Variants in SIPA1 observed in about 807,000 individuals in gnomAD.
The protein encoded by SIPA1 is signal-induced proliferation-associated 1.
In SIPA1, 51 loss-of-function variants were observed where a neutral mutation model predicts 88.1. The ratio of observed to expected loss-of-function variants is 0.58; its 90% CI spans 0.46 to 0.73. SIPA1 has a LOEUF of 0.73. Ranked by LOEUF, SIPA1 falls within the 30% of genes least tolerant of loss-of-function variation. SIPA1 has a pLI of 0.00. For missense variants in SIPA1, 1,348 were observed against 1,467.6 expected, an observed-to-expected ratio of 0.92 and a Z score of 1.33; for synonymous variants, 681 against 664.8, an observed-to-expected ratio of 1.02 and a Z score of -0.37.
chr11:65,650,416 C>T lies in SIPA1; in HGVS notation c.2919C>T (p.Asn973=), dbSNP rs747385719. 4 of 1,614,034 alleles carry T rather than the reference C, an allele frequency of 2.5e-6. No homozygotes were observed. The highest frequency in any genetic ancestry group is 3.4e-6 in the Non-Finnish European group (4 of 1,180,002). Residue 973 remains asparagine, a synonymous_variant, in exon 15 of 16, where the codon AAC becomes AAT. Coordinates refer to ENST00000534313, the MANE Select transcript of SIPA1 (RefSeq NM_006747.4). ...ATGTCTTCAGGCCAGAGCCTGGGAA[C>T]CTCTCAGAGAAGGTCTCTCACTTGG... The part of the protein sequence containing the change: ...PKSDAEPEPG[N]LSEKVSHLES...
Position 65,647,530 on chromosome 11 carries a change from G to C in SIPA1, c.2178G>C (p.Ala726=). ...FAETAGLRPG[A]RLLRVCGQTL... ...AGACGGCGGGGCTGCGGCCCGGGGCGCGCCTCCTGCGCGTGTGCGGCCAGA... is the reference window on the plus strand; with the variant it reads ...AGACGGCGGGGCTGCGGCCCGGGGCCCGCCTCCTGCGCGTGTGCGGCCAGA... The change falls in exon 9 of 16, where the codon GCG becomes GCC. Residue 726 remains alanine (A), a synonymous_variant. Transcript: ENST00000534313. 2 of 1,348,518 alleles carry C rather than the reference G, an allele frequency of 1.5e-6. No individual in the cohort carries two copies. The highest frequency in any genetic ancestry group is 1.9e-6 in the Non-Finnish European group (2 of 1,052,634). 83.5% of individuals were successfully genotyped at this position (1,348,518 alleles called of 1,614,324 possible).
Position 65,646,474 on chromosome 11 carries a change from C to T in SIPA1, c.1440C>T (p.Thr480=). The T allele has an allele frequency of 6.3e-7, 1 of 1,583,662 alleles. No homozygotes were observed. The highest frequency in any genetic ancestry group is 8.5e-7 in the Non-Finnish European group (1 of 1,170,498). The change falls in exon 8 of 16, where the codon ACC becomes ACT. Residue 480 remains threonine (T), a synonymous_variant. Transcript: ENST00000534313. This position sits in a 1 kb window ranked among gnomAD's most constrained non-coding sequence, Gnocchi z 7.5. ...HTTYRVAVSR[T]QDTPAFGPAL... The stretch of plus-strand genomic sequence containing the variant: ...CCCGCAGGGTGGCCGTGAGCCGCAC[C>T]CAGGACACCCCTGCCTTCGGGCCAG...
chr11:65,644,874 A>G, intron 4 of SIPA1, 81 bp from the exon 5 acceptor site: 1 of 1,426,686 alleles, frequency 7.0e-7, no homozygotes, highest in Non-Finnish European at 9.6e-7. Context: ...GCCCCAGGCC[A>G]GCGTCCCATC....
chr11:65,650,250 C>T (rs372360064), intron 14 of SIPA1, 58 bp downstream of exon 14: 12 of 1,584,470 alleles, frequency 7.6e-6, no homozygotes, highest in African/African-American at 6.7e-5. Context: ...CCCCTTCGTG[C>T]CTGTCTGCTG....
At position 65,645,928 on chromosome 11, in the gene SIPA1, C is replaced by T. The variant is rs1856102552; in HGVS notation, c.1234C>T (p.Leu412=). Reference sequence around the variant, plus strand: ...GATCATGTTCCACGTGTCCACGATGCTGCCTTACACCCCTAATAACCAGCA... The same window carrying T: ...GATCATGTTCCACGTGTCCACGATGTTGCCTTACACCCCTAATAACCAGCA... The part of the protein sequence containing the change: ...HEIMFHVSTM[L]PYTPNNQQQL... The change falls in exon 6 of 16, where the codon CTG becomes TTG. Residue 412 remains leucine, a synonymous_variant. Transcript: ENST00000534313. 1 of 1,613,272 alleles carries T rather than the reference C, an allele frequency of 6.2e-7. No individual in the cohort carries two copies. The highest frequency in any genetic ancestry group is 1.3e-5 in the African/African-American group (1 of 75,006).
chr11:65,650,304 A>C lies in SIPA1; in HGVS notation c.2904-97A>C, dbSNP rs536398510. 7.8e-6 allele frequency: 12 copies of C among 1,541,076 alleles called. No homozygotes were observed. In the East Asian group the frequency reaches 1.6e-4, roughly 20 times the overall value. On this transcript the variant is annotated intron_variant, in intron 14 of 15. Transcript: ENST00000534313. The stretch of plus-strand genomic sequence containing the variant: ...GGCTCTGCTGCCACATATGCCTAGA[A>C]GACCAGCGGGGCCCCTCTCATTAGC...
rs1390099816 is a variant in SIPA1 at position 65,647,029 on chromosome 11, C to T, written c.1995C>T (p.Pro665=). The T allele has an allele frequency of 1.3e-6, 2 of 1,542,590 alleles. No homozygotes were observed. The highest frequency in any genetic ancestry group is 2.4e-5 in the East Asian group (1 of 41,596). The change falls in exon 8 of 16, where the codon CCC becomes CCT. Residue 665 remains proline (P), a synonymous_variant. Coordinates refer to ENST00000534313, the MANE Select transcript of SIPA1 (RefSeq NM_006747.4). ...TCACGCTGCGCTTCGACGGGTCCCC[C>T]GGCCAAGCCGTGGGCGAGGTGGTGG... The part of the protein sequence containing the change: ...EAITLRFDGS[P]GQAVGEVVAR...
In SIPA1 at chr11:65,647,402, G is replaced by A; in HGVS notation, c.2050G>A (p.Glu684Lys). 6.9e-7 allele frequency: 1 copy of A among 1,459,684 alleles called. No homozygotes were observed. The allele number at this position is 1,459,684 out of a possible 1,614,324, so 90.4% of individuals were successfully genotyped here. The change falls in exon 9 of 16, where the codon GAG becomes AAG. Residue 684 changes from glutamate (E) to lysine (K), a missense_variant. Physicochemically the swap from Glu to Lys is moderately conservative, Grantham distance 56. This residue lies in a region of SIPA1 where 615 missense variants were observed against 559.8 expected (regional missense o/e 1.10). Transcript: ENST00000534313. ...ARLQLVSRGCETRELALPRDG... is the reference protein window; with the variant it reads ...ARLQLVSRGCKTRELALPRDG... ...TCCGCAGCTGGTGAGCCGTGGCTGC[G>A]AGACCCGCGAGCTGGCGCTGCCCCG...
intron 8 of SIPA1, 51 bp downstream of exon 8, chr11:65,647,116 G>C: frequency 5.6e-6 from 8 of 1,436,782 alleles, no homozygotes; most frequent in Non-Finnish European, 7.3e-6. Flanking sequence ...GGCGGAGCCT[G>C]CTTTGGACCC....
rs1487894784 is a variant in SIPA1, at chr11:65,646,739, C to T, written c.1705C>T (p.Arg569Trp). The T allele has an allele frequency of 2.4e-5, 36 of 1,522,704 alleles. No individual in the cohort carries two copies. The highest frequency in any genetic ancestry group is 2.7e-5 in the Non-Finnish European group (31 of 1,139,344). 94.3% of individuals were successfully genotyped at this position (1,522,704 alleles called of 1,614,324 possible). The change falls in exon 8 of 16, where the codon CGG (arginine) becomes TGG (tryptophan). Residue 569 changes from arginine to tryptophan, a missense_variant. Physicochemically the swap from Arg to Trp is moderately radical, Grantham distance 101. This residue lies in a region of SIPA1 where 68 missense variants were observed against 59.0 expected (regional missense o/e 1.15). Coordinates refer to ENST00000534313, the MANE Select transcript of SIPA1 (RefSeq NM_006747.4). This position sits in a 1 kb window ranked among gnomAD's most constrained non-coding sequence, Gnocchi z 7.5. ...SLGGRRRAAPRGPGAELQAAG... is the reference protein window; with the variant it reads ...SLGGRRRAAPWGPGAELQAAG... Reference sequence around the variant, plus strand: ...GGGTGGGAGGCGCCGGGCGGCCCCTCGGGGCCCAGGCGCCGAGCTGCAGGC... The same window carrying T: ...GGGTGGGAGGCGCCGGGCGGCCCCTTGGGGCCCAGGCGCCGAGCTGCAGGC...
chr11:65,646,666 G>T lies in SIPA1; in HGVS notation c.1632G>T (p.Val544=). Residue 544 remains valine (V), a synonymous_variant, in exon 8 of 16, where the codon GTG becomes GTT. Transcript: ENST00000534313. This position sits in a 1 kb window ranked among gnomAD's most constrained non-coding sequence, Gnocchi z 7.5. ...TGCAAGACCTGGCCACCAACGAGGT[G>T]ACCACTACGTCGCTGGACTCGGCTT... ...QYLQDLATNE[V]TTTSLDSASR... is the part of the protein sequence containing the mutation. 1 of 1,546,482 alleles carries T rather than the reference G, an allele frequency of 6.5e-7. No individual in the cohort carries two copies.
rs1043393334 is a variant in SIPA1, at chr11:65,646,234, G to A, written c.1277G>A (p.Arg426His). The change falls in exon 7 of 16, where the codon CGC becomes CAC. Residue 426 changes from arginine (R) to histidine (H), a missense_variant. Arg to His is a conservative substitution (Grantham distance 29). Coordinates refer to ENST00000534313, the MANE Select transcript of SIPA1 (RefSeq NM_006747.4). This position sits in a 1 kb window ranked among gnomAD's most constrained non-coding sequence, Gnocchi z 7.5. ...PNNQQQLLRK[R>H]HIGNDIVTIV... is the part of the protein sequence containing the mutation. ...TCCAACCCCTAGCTCCTCCGGAAGC[G>A]CCACATTGGCAACGACATTGTGACC... 7 of 1,613,848 alleles carry A rather than the reference G, an allele frequency of 4.3e-6. No individual in the cohort carries two copies. Among genetic ancestry groups the A allele is most frequent in the Non-Finnish European group, 5.9e-6 (7 of 1,179,984 alleles).
Position 65,647,603 on chromosome 11 carries a change from G to C in SIPA1, c.2251G>C (p.Ala751Pro). 7.1e-7 allele frequency: 1 copy of C among 1,402,478 alleles called. No homozygotes were observed. Among genetic ancestry groups the C allele is most frequent in the Non-Finnish European group, 9.2e-7 (1 of 1,082,064 alleles). 86.9% of individuals were successfully genotyped at this position (1,402,478 alleles called of 1,614,324 possible). ...PEAAAQLLRS[A>P]PKVCVTVLPP... Reference sequence around the variant, plus strand: ...GGCCGCTGCCCAGCTCCTGCGCTCGGCGCCCAAGGTCTGCGTCACCGTCCT... The same window carrying C: ...GGCCGCTGCCCAGCTCCTGCGCTCGCCGCCCAAGGTCTGCGTCACCGTCCT... Residue 751 changes from alanine to proline, a missense_variant, in exon 9 of 16, where the codon GCG (alanine) becomes CCG (proline). Coordinates refer to ENST00000534313, the MANE Select transcript of SIPA1 (RefSeq NM_006747.4).
At chr11:65,647,091 C>A in intron 8 of SIPA1, 26 bp downstream of exon 8, 2 of 1,482,978 alleles carry the variant, frequency 1.3e-6, no homozygotes, top group South Asian at 1.3e-5. Context: ...AAACTGGGGC[C>A]CCTGCGCGCG....
chr11:65,646,997 G>T lies in SIPA1; in HGVS notation c.1963G>T (p.Glu655Ter). The T allele has an allele frequency of 6.5e-7, 1 of 1,540,634 alleles. No individual in the cohort carries two copies. The highest frequency in any genetic ancestry group is 8.7e-7 in the Non-Finnish European group (1 of 1,148,894). The change falls in exon 8 of 16, where the codon GAG (glutamate) becomes TAG (stop). Residue 655 changes from glutamate (E) to a stop codon, truncating the protein, a stop_gained. Coordinates refer to ENST00000534313, the MANE Select transcript of SIPA1 (RefSeq NM_006747.4). LOFTEE classifies it high-confidence loss of function. The surrounding 1 kb of genome is among the most constrained non-coding windows in gnomAD (Gnocchi z 7.5). ...QQLDLYHGRG[E>*]AITLRFDGSP... ...GCTGGACCTGTACCACGGCCGCGGG[G>T]AGGCGATCACGCTGCGCTTCGACGG...
Position 65,646,290 on chromosome 11 carries a change from T to G in SIPA1, c.1333T>G (p.Phe445Val). 6.2e-7 allele frequency: 1 copy of G among 1,614,122 alleles called. No homozygotes were observed. Among genetic ancestry groups the G allele is most frequent in the Admixed American group, 1.7e-5 (1 of 60,024 alleles). The change falls in exon 7 of 16, where the codon TTC becomes GTC. Residue 445 changes from phenylalanine (F) to valine (V), a missense_variant. Phe to Val is a conservative substitution (Grantham distance 50, BLOSUM62 -1). This residue lies in a region of SIPA1 where 641 missense variants were observed against 797.7 expected (regional missense o/e 0.80). Transcript: ENST00000534313. This position sits in a 1 kb window ranked among gnomAD's most constrained non-coding sequence, Gnocchi z 7.5. Reference sequence around the variant, plus strand: ...GTTCCAGGAGCCTGGCAGCAAGCCCTTCTGCCCCACCACCATCCGCTCGCA... The same window carrying G: ...GTTCCAGGAGCCTGGCAGCAAGCCCGTCTGCCCCACCACCATCCGCTCGCA... ...IVFQEPGSKP[F>V]CPTTIRSHFQ...
In SIPA1 at chr11:65,646,280, C is replaced by T. The variant is rs751588303; in HGVS notation, c.1323C>T (p.Gly441=). ...DIVTIVFQEP[G]SKPFCPTTIR... ...TGACCATCGTGTTCCAGGAGCCTGGCAGCAAGCCCTTCTGCCCCACCACCA... is the reference window on the plus strand; with the variant it reads ...TGACCATCGTGTTCCAGGAGCCTGGTAGCAAGCCCTTCTGCCCCACCACCA... The change falls in exon 7 of 16, where the codon GGC becomes GGT. Residue 441 remains glycine, a synonymous_variant. Coordinates refer to ENST00000534313, the MANE Select transcript of SIPA1 (RefSeq NM_006747.4). The surrounding 1 kb of genome is among the most constrained non-coding windows in gnomAD (Gnocchi z 7.5). 2 of 1,614,158 alleles carry T rather than the reference C, an allele frequency of 1.2e-6. No individual in the cohort carries two copies. The highest frequency in any genetic ancestry group is 1.7e-6 in the Non-Finnish European group (2 of 1,180,000).
In SIPA1 at chr11:65,649,802, G is replaced by C. The variant is rs749873350; in HGVS notation, c.2683G>C (p.Ala895Pro). The stretch of plus-strand genomic sequence containing the variant: ...TGGCTCTGAGGACAAGGGCAACCCG[G>C]CGCCGGAGCTGAGGGCCTCCTTTCT... ...PSGSEDKGNP[A>P]PELRASFLPR... Residue 895 changes from alanine to proline, a missense_variant, in exon 12 of 16, where the codon GCG (alanine) becomes CCG (proline). Around this residue, in one of 4 missense-constraint regions of SIPA1, gnomAD observed 615 missense variants for 559.8 expected, o/e 1.10. Coordinates refer to ENST00000534313, the MANE Select transcript of SIPA1 (RefSeq NM_006747.4). 6.2e-7 allele frequency: 1 copy of C among 1,614,068 alleles called. No individual in the cohort carries two copies. Among genetic ancestry groups the C allele is most frequent in the South Asian group, 1.1e-5 (1 of 91,090 alleles).
At chr11:65,644,776 C>T (rs1297716956) in intron 4 of SIPA1, among the ~76,000 whole-genome samples, 179 bp from the exon 5 acceptor site, 1 of 152,098 alleles carries the variant, frequency 6.6e-6, no homozygotes, top group Non-Finnish European at 1.5e-5. Flanking sequence ...TCCCTTCCTA[C>T]CTGTGCACTC....
Sources: gnomAD v4.1 joint callset for allele counts (sites outside exome capture counted in the v4.1 genomes callset) on GRCh38, gnomAD v4.1.1 for gene constraint, gnomAD v4.1.1 regional missense constraint, Gnocchi (gnomAD v3.1) non-coding constraint, MANE v1.5 for transcripts, NCBI Gene and HGNC (gene_info 2026-07-23, HGNC 2026-07-21) for gene names.